SNX18: variants seen among roughly 807,000 people sequenced by gnomAD.
SNX18 encodes the protein sorting nexin-18.
In SNX18, 35 loss-of-function variants were observed where a neutral mutation model predicts 48.7. The observed-to-expected ratio is 0.72, with a 90% CI of 0.55 to 0.95. SNX18 has a LOEUF of 0.95. Among genes scored for constraint, SNX18 ranks in the 40% least tolerant of loss-of-function variants. The probability of loss-of-function intolerance (pLI) is 0.00; values close to 1 mark genes in which losing one functional copy is unlikely to be tolerated. For synonymous variants in SNX18, 492 were observed against 384.7 expected, an observed-to-expected ratio of 1.28 and a Z score of -3.26; for missense variants, 824 against 871.0, an observed-to-expected ratio of 0.95 and a Z score of 0.68.
chr5:54,533,537 G>C (rs1362758113), intron 1 of SNX18, among the ~76,000 whole-genome samples: 1 of 152,114 alleles, frequency 6.6e-6, no homozygotes, highest in African/African-American at 2.4e-5. Context: ...TCCCCCCTTG[G>C]GCCACATACA....
chr5:54,596,962 G>C, the SNX18 span, among the ~76,000 whole-genome samples: 1 of 152,180 alleles, frequency 6.6e-6, no homozygotes, highest in Non-Finnish European at 1.5e-5. Flanking sequence ...GAAGTGGCAA[G>C]CTGGATAAAG....
At chr5:54,532,544 A>T (rs1001118056) in intron 1 of SNX18, among the ~76,000 whole-genome samples, 1 of 152,158 alleles carries the variant, frequency 6.6e-6, no homozygotes, top group African/African-American at 2.4e-5. Context: ...TCAGATCTTT[A>T]AGAAAAGAAA....
the SNX18 span, among the ~76,000 whole-genome samples, chr5:54,632,416 A>G: frequency 6.6e-6 from 1 of 152,236 alleles, no homozygotes; most frequent in African/African-American, 2.4e-5. Context: ...GCAGGAATGG[A>G]AACTGGGCCT....
Position 54,546,195 on chromosome 5 carries a change from A to G in SNX18, c.*2763A>G, listed in dbSNP as rs1004834846. The stretch of plus-strand genomic sequence containing the variant: ...TTGTTTTGCATTTATTCACAATAAT[A>G]CAGCAGATTCTTAAATGCCGATTTT... On this transcript the variant is annotated 3_prime_UTR_variant, in exon 2 of 2. Transcript: ENST00000381410. 2 of 152,264 alleles carry G rather than the reference A, an allele frequency of 1.3e-5. No homozygotes were observed. The highest frequency in any genetic ancestry group is 2.9e-5 in the Non-Finnish European group (2 of 68,052). The allele number at this position is 152,264 out of a possible 1,614,324, so 9.4% of individuals were successfully genotyped here.
the SNX18 span, among the ~76,000 whole-genome samples, chr5:54,639,575 T>C: frequency 1.3e-5 from 2 of 150,302 alleles, no homozygotes; most frequent in South Asian, 2.1e-4. Flanking sequence ...CAAACAATGC[T>C]AGGAGGTAAG....
chr5:54,548,013 C>G (rs911023166), downstream of SNX18, among the ~76,000 whole-genome samples: 1 of 152,122 alleles, frequency 6.6e-6, no homozygotes, highest in African/African-American at 2.4e-5. Context: ...GGCAGGAAAC[C>G]AGAAAAACCC....
intron 1 of SNX18, among the ~76,000 whole-genome samples, chr5:54,528,835 G>A (rs1762196460): frequency 6.6e-6 from 1 of 152,176 alleles, no homozygotes; most frequent in African/African-American, 2.4e-5. Context: ...AGGGCAGTCT[G>A]GGCCGAACCA....
chr5:54,536,759 T>A (rs1171637496), intron 1 of SNX18, among the ~76,000 whole-genome samples: 1 of 152,232 alleles, frequency 6.6e-6, no homozygotes, highest in Admixed American at 6.5e-5. Flanking sequence ...ATGGGATGGC[T>A]GGGTCAAATG....
At chr5:54,641,043 A>T in the SNX18 span, among the ~76,000 whole-genome samples, 1 of 152,168 alleles carries the variant, frequency 6.6e-6, no homozygotes, top group Non-Finnish European at 1.5e-5. Context: ...CTGCACGACA[A>T]AGCAAGAATC....
the SNX18 span, among the ~76,000 whole-genome samples, chr5:54,636,389 C>G: frequency 6.6e-6 from 1 of 151,716 alleles, no homozygotes; most frequent in African/African-American, 2.4e-5. Flanking sequence ...ATCTCTGGAG[C>G]ATTTTGCTAT....
At chr5:54,541,170 G>A (rs1762462909) in intron 1 of SNX18, among the ~76,000 whole-genome samples, 1 of 152,058 alleles carries the variant, frequency 6.6e-6, no homozygotes, top group Non-Finnish European at 1.5e-5. Flanking sequence ...TGGGATTACA[G>A]GTGCCCGCCA....
intron 1 of SNX18, among the ~76,000 whole-genome samples, chr5:54,524,745 ATG>A (rs1157162228): frequency 6.6e-6 from 1 of 152,234 alleles, no homozygotes; most frequent in Non-Finnish European, 1.5e-5. Context: ...GACGTGTATC[ATG>A]TCTCATATTT....
At chr5:54,595,527 G>A in the SNX18 span, among the ~76,000 whole-genome samples, 2 of 152,164 alleles carry the variant, frequency 1.3e-5, no homozygotes, top group Non-Finnish European at 2.9e-5. Context: ...GAGCCACCGC[G>A]CCTAGCCTGC....
At chr5:54,602,614 G>A in the SNX18 span, among the ~76,000 whole-genome samples, 2 of 152,164 alleles carry the variant, frequency 1.3e-5, no homozygotes, top group South Asian at 4.1e-4. Flanking sequence ...GCAAGTGTCA[G>A]AGCGGGAGTG....
At position 54,543,668 on chromosome 5, in the gene SNX18, A is replaced by G. The variant is rs1762514086; in HGVS notation, c.*236A>G. 1 of 469,708 alleles carries G rather than the reference A, an allele frequency of 2.1e-6. No homozygotes were observed. The highest frequency in any genetic ancestry group is 3.8e-6 in the Non-Finnish European group (1 of 266,238). 29.1% of individuals were successfully genotyped at this position (469,708 alleles called of 1,614,324 possible). A position where few individuals can be genotyped will look rare whatever the true frequency, so the allele number is the denominator to read the frequency against. On this transcript the variant is annotated 3_prime_UTR_variant, in exon 2 of 2. Transcript: ENST00000381410. ...TTATACTATGTATGCCTACACTACC[A>G]TTGTAACTTTTGGAATAATGATTAT...
At chr5:54,641,809 G>A in the SNX18 span, among the ~76,000 whole-genome samples, 1 of 152,174 alleles carries the variant, frequency 6.6e-6, no homozygotes, top group Non-Finnish European at 1.5e-5. Flanking sequence ...GTATGCGTGT[G>A]CGGGTGGGAG....
the SNX18 span, among the ~76,000 whole-genome samples, chr5:54,610,392 T>C: frequency 6.6e-6 from 1 of 152,186 alleles, no homozygotes; most frequent in Non-Finnish European, 1.5e-5. Context: ...TGGGAGCAGT[T>C]AGCAGAAGCT....
At chr5:54,570,979 A>G in the SNX18 span, among the ~76,000 whole-genome samples, 1 of 152,198 alleles carries the variant, frequency 6.6e-6, no homozygotes. Context: ...TTGAACACTC[A>G]AGCCTCTTGC....
rs569790522 is a variant in SNX18, at chr5:54,525,901, G to A, written c.1621+6328G>A. Among the ~76,000 whole-genome samples, 185 of 152,278 alleles carry A rather than the reference G, an allele frequency of 1.2e-3. 1 individual carries two copies. The highest frequency in any genetic ancestry group is 4.2e-3 in the African/African-American group (174 of 41,552). On this transcript the variant is annotated intron_variant, in intron 1 of 1. Transcript: ENST00000381410. The stretch of plus-strand genomic sequence containing the variant: ...GCATGAAAAGCCCTTATCAGTTGAT[G>A]TGAAAGAACATTTATGCACGTTTAG...
Sources: gnomAD v4.1 joint callset for allele counts (sites outside exome capture counted in the v4.1 genomes callset) on GRCh38, gnomAD v4.1.1 for gene constraint, MANE v1.5 for transcripts, NCBI Gene and HGNC (gene_info 2026-07-23, HGNC 2026-07-21) for gene names.